ANKS1B: variants seen among roughly 807,000 people sequenced by gnomAD.
ANKS1B encodes ankyrin repeat and sterile alpha motif domain-containing protein 1B.
Under a neutral mutation model 148.3 loss-of-function variants are expected in ANKS1B, and 36 were observed. The ratio of observed to expected loss-of-function variants is 0.24; its 90% confidence interval spans 0.19 to 0.32. ANKS1B has a LOEUF of 0.32. Among genes scored for constraint, ANKS1B ranks in the 10% least tolerant of loss-of-function variants. The pLI is 1.00. For missense variants in ANKS1B, 1,157 were observed against 1,542.6 expected (o/e 0.75, Z 4.19); for synonymous variants, 542 against 560.8 (o/e 0.97, Z 0.47).
At chr12:99,752,337 C>A (rs1601422833) in intron 8 of ANKS1B, among the ~76,000 whole-genome samples, 1 of 152,096 alleles carries the variant, frequency 6.6e-6, no homozygotes, top group East Asian at 1.9e-4. Context: ...CTTGGTAATA[C>A]ACTTTACCAC....
At chr12:99,641,891 G>T (rs181548950) in intron 9 of ANKS1B, among the ~76,000 whole-genome samples, 1 of 152,056 alleles carries the variant, frequency 6.6e-6, no homozygotes, top group African/African-American at 2.4e-5. Flanking sequence ...TATTCACATG[G>T]AATTTGGCTC....
intron 16 of ANKS1B, among the ~76,000 whole-genome samples, chr12:99,067,466 G>A (rs1463869611): frequency 1.3e-5 from 2 of 152,188 alleles, no homozygotes; most frequent in South Asian, 2.1e-4. Flanking sequence ...GTATGAAGAG[G>A]ACTGAGAGCA....
At chr12:99,460,204 G>A (rs2095928976) in intron 10 of ANKS1B, among the ~76,000 whole-genome samples, 1 of 152,060 alleles carries the variant, frequency 6.6e-6, no homozygotes, top group Admixed American at 6.6e-5. Context: ...TGGGATAATT[G>A]GCAAGCCACG....
chr12:99,863,868 G>C (rs1482597857), intron 1 of ANKS1B, among the ~76,000 whole-genome samples: 2 of 151,872 alleles, frequency 1.3e-5, no homozygotes, highest in African/African-American at 4.8e-5. Flanking sequence ...TCAGGAGATA[G>C]AAACTATCCT....
intron 25 of ANKS1B, among the ~76,000 whole-genome samples, chr12:98,756,744 T>TG (rs1566079482): frequency 2.7e-5 from 4 of 149,462 alleles, no homozygotes; most frequent in Admixed American, 1.3e-4. Context: ...TTTTTTTTTT[T>TG]GAGATGGAGT....
chr12:99,664,999 A>G (rs1329633426), intron 8 of ANKS1B, among the ~76,000 whole-genome samples: 1 of 152,184 alleles, frequency 6.6e-6, no homozygotes, highest in Non-Finnish European at 1.5e-5. Context: ...TGGCTATACC[A>G]AAGTTTTGTT....
At chr12:99,016,429 G>A (rs4762537) in intron 17 of ANKS1B, among the ~76,000 whole-genome samples, 61,161 of 152,130 alleles carry the variant, frequency 0.4, 12,563 homozygotes, top group South Asian at 0.51. Flanking sequence ...ACTGAGGTGG[G>A]TGGATCACTT....
At chr12:98,890,944 G>A (rs2099751355) in intron 17 of ANKS1B, among the ~76,000 whole-genome samples, 1 of 152,194 alleles carries the variant, frequency 6.6e-6, no homozygotes, top group Admixed American at 6.5e-5. Context: ...TGTAGTGACA[G>A]AGGTGATAGA....
At position 98,799,014 on chromosome 12, in the gene ANKS1B, C is replaced by A. The variant is rs1380649644; in HGVS notation, c.3271-9G>T. On this transcript the variant is annotated splice_polypyrimidine_tract_variant and intron_variant, in intron 21 of 26. Coordinates refer to ENST00000683438, the MANE Select transcript of ANKS1B (RefSeq NM_001352186.2). The stretch of plus-strand genomic sequence containing the variant: ...AGCATAGAACCTAAATACTAAAATA[C>A]AAAAAAAATTCAATGATTTATGAAA... The A allele has an allele frequency of 5.1e-6, 8 of 1,572,830 alleles. No individual in the cohort carries two copies. The highest frequency in any genetic ancestry group is 1.7e-4 in the Middle Eastern group (1 of 5,900).
chr12:99,649,044 T>A (rs1313380640), intron 9 of ANKS1B, among the ~76,000 whole-genome samples: 1 of 152,178 alleles, frequency 6.6e-6, no homozygotes, highest in African/African-American at 2.4e-5. Flanking sequence ...CAGCTGTTCA[T>A]TTTATATCAA....
intron 17 of ANKS1B, among the ~76,000 whole-genome samples, chr12:98,842,058 T>C (rs2099409693): frequency 1.3e-5 from 2 of 152,188 alleles, no homozygotes; most frequent in African/African-American, 4.8e-5. Context: ...ACCCAGCAAG[T>C]TGACTCTAGC....
intron 15 of ANKS1B, among the ~76,000 whole-genome samples, chr12:99,115,015 C>T (rs1006971954): frequency 6.6e-6 from 1 of 152,130 alleles, no homozygotes; most frequent in African/African-American, 2.4e-5. Flanking sequence ...GCAGCACTTA[C>T]ACACGATGGG....
intron 1 of ANKS1B, among the ~76,000 whole-genome samples, chr12:99,900,526 A>AC (rs1461444038): frequency 1.3e-5 from 2 of 149,046 alleles, no homozygotes; most frequent in Non-Finnish European, 3.0e-5. Flanking sequence ...AAAAAAAAAA[A>AC]AACTATGTGA....
chr12:98,891,663 G>A (rs2099752991), intron 17 of ANKS1B, among the ~76,000 whole-genome samples: 1 of 152,052 alleles, frequency 6.6e-6, no homozygotes, highest in Non-Finnish European at 1.5e-5. Context: ...ACCATTTTAA[G>A]GCAACCAAAT....
chr12:99,415,449 TGAAA>T (rs1357725321), intron 11 of ANKS1B, among the ~76,000 whole-genome samples: 1 of 152,158 alleles, frequency 6.6e-6, no homozygotes, highest in African/African-American at 2.4e-5. Context: ...ACTGTGTGGG[TGAAA>T]GAAAGACATT....
intron 14 of ANKS1B, among the ~76,000 whole-genome samples, chr12:99,160,345 CT>C (rs1182392964): frequency 4.8e-4 from 70 of 144,466 alleles, no homozygotes; most frequent in Non-Finnish European, 4.4e-4. Flanking sequence ...TTCTAGGATT[CT>C]TTTTTTTTTT....
intron 24 of ANKS1B, 104 bp downstream of exon 24, chr12:98,781,013 T>G (rs1374513063): frequency 1.5e-6 from 1 of 675,462 alleles, no homozygotes; most frequent in African/African-American, 1.8e-5. Flanking sequence ...GGGAAAGGGA[T>G]GATTACAGTG....
chr12:99,380,164 T>A (rs1240795996), intron 12 of ANKS1B, among the ~76,000 whole-genome samples: 4 of 152,240 alleles, frequency 2.6e-5, no homozygotes, highest in African/African-American at 9.6e-5. Context: ...GGAGGATTAC[T>A]TAATGTAGGC....
chr12:99,937,418 T>C (rs538280156), intron 1 of ANKS1B, among the ~76,000 whole-genome samples: 1 of 152,212 alleles, frequency 6.6e-6, no homozygotes, highest in Admixed American at 6.5e-5. Flanking sequence ...ATGTTGAATA[T>C]GATTATTTAG....
Sources: gnomAD v4.1 joint callset for allele counts (sites outside exome capture counted in the v4.1 genomes callset) on GRCh38, gnomAD v4.1.1 for gene constraint, MANE v1.5 for transcripts, NCBI Gene and HGNC (gene_info 2026-07-23, HGNC 2026-07-21) for gene names.